Variants in CACNA1C observed in about 807,000 individuals in gnomAD.
CACNA1C encodes the protein calcium voltage-gated channel subunit alpha1 C, also known as voltage-dependent L-type calcium channel subunit alpha-1C.
In CACNA1C, 30 loss-of-function variants were observed where a neutral mutation model predicts 229.0. That is an observed-to-expected ratio of 0.13 (90% CI 0.10 to 0.18). The LOEUF (loss-of-function observed/expected upper bound fraction) is 0.18, where lower values mean the gene tolerates loss of function less well. Ranked by LOEUF, CACNA1C falls within the 10% of genes least tolerant of loss-of-function variation. The pLI is 1.00. For missense variants in CACNA1C, 1,658 were observed against 2,845.0 expected (o/e 0.58, Z 9.49); for synonymous variants, 1,114 against 1,132.5 (o/e 0.98, Z 0.33).
intron 3 of CACNA1C, among the ~76,000 whole-genome samples, chr12:2,422,417 C>G (rs1183407901): frequency 3.3e-5 from 5 of 151,898 alleles, no homozygotes; most frequent in African/African-American, 9.7e-5. Flanking sequence ...CTTCTTTCCC[C>G]TTGGTGCCTC....
intron 4 of CACNA1C, among the ~76,000 whole-genome samples, chr12:2,455,083 G>A (rs1596777725): frequency 6.6e-6 from 1 of 152,160 alleles, no homozygotes; most frequent in South Asian, 2.1e-4. Context: ...CAGTGAAGGA[G>A]CTCCGTCCTT....
In CACNA1C at chr12:2,679,688, C is replaced by G; in HGVS notation, c.5336C>G (p.Pro1779Arg). 1 of 1,612,630 alleles carries G rather than the reference C, an allele frequency of 6.2e-7. No individual in the cohort carries two copies. The highest frequency in any genetic ancestry group is 8.5e-7 in the Non-Finnish European group (1 of 1,179,256). Reference sequence around the variant, plus strand: ...AACAACACCGCCCTGGGTCGCCTCCCTCGCCCCGCCGGCTACCCCAGCACG... The same window carrying G: ...AACAACACCGCCCTGGGTCGCCTCCGTCGCCCCGCCGGCTACCCCAGCACG... Reference protein sequence around the residue: ...NANNTALGRLPRPAGYPSTVS... With the variant: ...NANNTALGRLRRPAGYPSTVS... Residue 1779 changes from proline to arginine, a missense_variant, in exon 42 of 47, where the codon CCT (proline) becomes CGT (arginine). Transcript: ENST00000399655. This position sits in a 1 kb window ranked among gnomAD's most constrained non-coding sequence, Gnocchi z 5.5.
At chr12:2,459,155 GT>G (rs1211880748) in intron 5 of CACNA1C, among the ~76,000 whole-genome samples, 2 of 114,126 alleles carry the variant, frequency 1.8e-5, no homozygotes, top group Non-Finnish European at 3.5e-5. Flanking sequence ...GCTAATTTTT[GT>G]TTTTTTGTGT....
intron 3 of CACNA1C, among the ~76,000 whole-genome samples, chr12:2,221,222 G>A (rs879776409): frequency 6.6e-6 from 1 of 152,206 alleles, no homozygotes; most frequent in Non-Finnish European, 1.5e-5. Flanking sequence ...AAGGGTTGGC[G>A]GTGTGGGGAG....
Position 2,605,814 on chromosome 12 carries a change from C to T in CACNA1C, c.3156+28C>T, listed in dbSNP as rs756540834. The T allele has an allele frequency of 1.6e-5, 23 of 1,394,570 alleles. No homozygotes were observed. In the East Asian group the frequency reaches 5.2e-4, roughly 32 times the overall value. The allele number at this position is 1,394,570 out of a possible 1,614,324, so 86.4% of individuals were successfully genotyped here. ...AAAGTCTGGGCTCCGTTGTGGTCCT[C>T]CTACCTCCCCTCCCATCAGCATTCC... On this transcript the variant is annotated intron_variant, in intron 24 of 46. Coordinates refer to ENST00000399655, the MANE Select transcript of CACNA1C (RefSeq NM_000719.7). The surrounding 1 kb of genome is among the most constrained non-coding windows in gnomAD (Gnocchi z 6.2).
intron 3 of CACNA1C, among the ~76,000 whole-genome samples, chr12:2,204,449 A>G (rs1428828309): frequency 6.6e-6 from 1 of 151,516 alleles, no homozygotes; most frequent in African/African-American, 2.4e-5. Flanking sequence ...CTGGATATAT[A>G]CCCAAATGAC....
rs955864205 is a variant in CACNA1C, at chr12:2,647,126, T to C, written c.3913-1349T>C. Among the ~76,000 whole-genome samples, 5 of 152,274 alleles carry C rather than the reference T, an allele frequency of 3.3e-5. No individual in the cohort carries two copies. Among genetic ancestry groups the C allele is most frequent in the African/African-American group, 1.2e-4 (5 of 41,468 alleles). On this transcript the variant is annotated intron_variant, in intron 30 of 46. Transcript: ENST00000399655. The surrounding 1 kb of genome is among the most constrained non-coding windows in gnomAD (Gnocchi z 4.2). ...CAGGCTGCAAGCAAATGTCTAGTTG[T>C]GCACATTTCCATCCTTCAAAAATTC...
intron 3 of CACNA1C, among the ~76,000 whole-genome samples, chr12:2,150,071 A>T (rs922219984): frequency 6.6e-6 from 1 of 152,160 alleles, no homozygotes; most frequent in Non-Finnish European, 1.5e-5. Flanking sequence ...TGCTGTGCTC[A>T]TGGAATCTGG....
chr12:2,502,306 C>T (rs897309530), intron 7 of CACNA1C, among the ~76,000 whole-genome samples: 4 of 152,372 alleles, frequency 2.6e-5, no homozygotes, highest in Admixed American at 2.0e-4. Flanking sequence ...TGCGAGGCAT[C>T]GTTGTAGGCA....
chr12:2,104,476 A>T (rs2077473400), intron 1 of CACNA1C, among the ~76,000 whole-genome samples: 1 of 152,228 alleles, frequency 6.6e-6, no homozygotes, highest in Non-Finnish European at 1.5e-5. Context: ...TGGGGCTGAG[A>T]CAATGGAGTT....
intron 3 of CACNA1C, among the ~76,000 whole-genome samples, chr12:2,371,654 C>A (rs1370557719): frequency 1.3e-5 from 2 of 151,140 alleles, no homozygotes; most frequent in Non-Finnish European, 2.9e-5. Context: ...TATTCTTAAG[C>A]CCGATGGTAC....
intron 3 of CACNA1C, among the ~76,000 whole-genome samples, chr12:2,434,005 G>A (rs1238571102): frequency 6.6e-6 from 1 of 152,126 alleles, no homozygotes; most frequent in Non-Finnish European, 1.5e-5. Context: ...AAAGTGAGTT[G>A]ATTTAATGAA....
intron 3 of CACNA1C, among the ~76,000 whole-genome samples, chr12:2,372,346 A>G (rs1236386880): frequency 2.6e-5 from 4 of 152,106 alleles, no homozygotes; most frequent in Non-Finnish European, 4.4e-5. Flanking sequence ...TGAGCTCACT[A>G]TGTCAGTGTG....
At chr12:2,637,922 A>G (rs1226876034) in intron 30 of CACNA1C, among the ~76,000 whole-genome samples, 1 of 152,116 alleles carries the variant, frequency 6.6e-6, no homozygotes, top group Non-Finnish European at 1.5e-5. Context: ...TTTCCTCCAA[A>G]TATTCCCCAC....
At chr12:2,136,225 C>G (rs1442541408) in intron 3 of CACNA1C, among the ~76,000 whole-genome samples, 3 of 151,400 alleles carry the variant, frequency 2.0e-5, no homozygotes, top group Admixed American at 1.3e-4. Flanking sequence ...AACCCGGTAC[C>G]TCAGATGGAA....
intron 1 of CACNA1C, among the ~76,000 whole-genome samples, chr12:2,072,526 C>G (rs1405370548): frequency 6.6e-6 from 1 of 152,148 alleles, no homozygotes; most frequent in Non-Finnish European, 1.5e-5. Flanking sequence ...AATAGCTTAC[C>G]TCCTTTATTG....
intron 3 of CACNA1C, among the ~76,000 whole-genome samples, chr12:2,386,363 T>C (rs1395004469): frequency 3.3e-5 from 5 of 152,204 alleles, no homozygotes; most frequent in African/African-American, 1.2e-4. Flanking sequence ...TCTGACTCTT[T>C]CTGCCTCTTG....
At chr12:2,283,021 T>C (rs1475495826) in intron 3 of CACNA1C, among the ~76,000 whole-genome samples, 1 of 119,804 alleles carries the variant, frequency 8.3e-6, no homozygotes, top group African/African-American at 3.5e-5. Flanking sequence ...ACTCTGGCCC[T>C]TTTTTTTTTT....
Position 2,403,883 on chromosome 12 carries a change from T to C in CACNA1C, c.478-45093T>C, listed in dbSNP as rs1417033823. On this transcript the variant is annotated intron_variant, in intron 3 of 46. Coordinates refer to ENST00000399655, the MANE Select transcript of CACNA1C (RefSeq NM_000719.7). The surrounding 1 kb of genome is among the most constrained non-coding windows in gnomAD (Gnocchi z 4.1). ...CTGCTCTGGGGCCCCAGGGACTTTC[T>C]CAGAGATGCCTGTTTCCACCTAGAG... Among the ~76,000 whole-genome samples, 1 of 152,184 alleles carries C rather than the reference T, an allele frequency of 6.6e-6. No homozygotes were observed. The highest frequency in any genetic ancestry group is 6.5e-5 in the Admixed American group (1 of 15,286).
Sources: allele counts gnomAD v4.1 joint callset (sites outside exome capture counted in the v4.1 genomes callset), GRCh38; gene constraint gnomAD v4.1.1; non-coding constraint Gnocchi (gnomAD v3.1); transcripts MANE v1.5; gene names NCBI Gene and HGNC (gene_info 2026-07-23, HGNC 2026-07-21).